The following MTMR3 variants were observed in gnomAD, a reference collection of about 807,000 sequenced individuals.
MTMR3 encodes the protein phosphatidylinositol-3,5-bisphosphate 3-phosphatase MTMR3.
In MTMR3, 32 loss-of-function variants were observed where a neutral mutation model predicts 132.4. The ratio of observed to expected loss-of-function variants is 0.24; its 90% confidence interval spans 0.18 to 0.32. The LOEUF (loss-of-function observed/expected upper bound fraction) is 0.32. Ranked by LOEUF, MTMR3 falls within the 10% of genes least tolerant of loss-of-function variation. The pLI is 1.00. For synonymous variants in MTMR3, 556 were observed against 550.3 expected, an observed-to-expected ratio of 1.01 and a Z score of -0.14; for missense variants, 1,216 against 1,489.6, an observed-to-expected ratio of 0.82 and a Z score of 3.02.
intron 2 of MTMR3, among the ~76,000 whole-genome samples, chr22:29,957,831 A>C (rs985911862): frequency 1.3e-5 from 2 of 152,182 alleles, no homozygotes; most frequent in Admixed American, 6.5e-5. Context: ...CAAAAGTACT[A>C]AAATATCAAG....
intron 1 of MTMR3, among the ~76,000 whole-genome samples, chr22:29,918,513 A>G (rs1355278823): frequency 6.6e-6 from 1 of 152,240 alleles, no homozygotes; most frequent in African/African-American, 2.4e-5. Flanking sequence ...CTTATAATAC[A>G]ATAAATATTT....
intron 6 of MTMR3, 128 bp from the exon 7 acceptor site, chr22:29,991,376 G>C: frequency 2.4e-6 from 2 of 817,230 alleles, no homozygotes; most frequent in Non-Finnish European, 3.6e-6. Flanking sequence ...ATGACTGACT[G>C]CCTCAGATGC....
chr22:29,898,646 C>A (rs9608821), intron 1 of MTMR3, among the ~76,000 whole-genome samples: 7,508 of 152,214 alleles, frequency 0.049, 270 homozygotes, highest in South Asian at 0.09. Context: ...AAGCAGTCCA[C>A]CCACCTCAGC....
intron 8 of MTMR3, 71 bp from the exon 9 acceptor site, chr22:30,002,805 GTCTC>G (rs534905247): frequency 1.5e-5 from 16 of 1,094,906 alleles, no homozygotes; most frequent in Non-Finnish European, 1.9e-5. Flanking sequence ...CTCACCTAGT[GTCTC>G]TCTCTCTCTC....
At chr22:29,957,193 CTGTT>C (rs1420769857) in intron 2 of MTMR3, 105 bp downstream of exon 2, 1 of 145,640 alleles carries the variant, frequency 6.9e-6, no homozygotes, top group Non-Finnish European at 1.5e-5. Flanking sequence ...TTTTGGGGAT[CTGTT>C]TGTCAATGTC....
intron 2 of MTMR3, among the ~76,000 whole-genome samples, chr22:29,969,852 C>A (rs571915507): frequency 6.6e-6 from 1 of 152,256 alleles, no homozygotes; most frequent in East Asian, 1.9e-4. Flanking sequence ...TAGAGTAAGT[C>A]ATCTCCTACC....
chr22:29,885,136 A>G (rs1299501593), intron 1 of MTMR3, among the ~76,000 whole-genome samples: 2 of 152,132 alleles, frequency 1.3e-5, no homozygotes, highest in African/African-American at 4.8e-5. Context: ...TAGAAATATT[A>G]TGGACTACCT....
At chr22:29,971,966 C>T (rs906969702) in intron 3 of MTMR3, among the ~76,000 whole-genome samples, 5 of 152,008 alleles carry the variant, frequency 3.3e-5, no homozygotes, top group African/African-American at 7.3e-5. Context: ...TCATTAGGGA[C>T]GTATGGAAAA....
At chr22:29,897,112 G>A (rs1328383601) in intron 1 of MTMR3, among the ~76,000 whole-genome samples, 5 of 144,676 alleles carry the variant, frequency 3.5e-5, no homozygotes, top group African/African-American at 1.0e-4. Context: ...TTGGAGTCTC[G>A]CTCTGTCGCC....
chr22:30,012,752 G>A (rs1338420828), intron 13 of MTMR3, 189 bp downstream of exon 13: 7 of 532,860 alleles, frequency 1.3e-5, no homozygotes, highest in African/African-American at 3.9e-5. Context: ...CTTAAAATGG[G>A]GCAGATTATG....
At chr22:29,945,483 G>T (rs1298183432) in intron 1 of MTMR3, among the ~76,000 whole-genome samples, 1 of 151,952 alleles carries the variant, frequency 6.6e-6, no homozygotes, top group Non-Finnish European at 1.5e-5. Context: ...TGGGAGGATA[G>T]CTTGAAGCTA....
intron 1 of MTMR3, among the ~76,000 whole-genome samples, chr22:29,910,324 A>G (rs914009153): frequency 2.0e-5 from 3 of 152,230 alleles, no homozygotes; most frequent in African/African-American, 7.2e-5. Context: ...GGAAAGGTAA[A>G]TACTGTAGTT....
intron 1 of MTMR3, among the ~76,000 whole-genome samples, chr22:29,900,384 T>G (rs1409548480): frequency 2.0e-5 from 3 of 152,200 alleles, no homozygotes; most frequent in African/African-American, 4.8e-5. Context: ...TCACGTAAAA[T>G]AATAGGAATA....
Position 29,935,742 on chromosome 22 carries a change from CTT to C in MTMR3, c.-137-21277_-137-21276del, listed in dbSNP as rs35840801. 4.5e-3 allele frequency among the ~76,000 whole-genome samples: 564 copies of C among 125,814 alleles called. 4 individuals carry two copies. Among genetic ancestry groups the C allele is most frequent in the African/African-American group, 0.016 (532 of 33,216 alleles). 82.5% of individuals were successfully genotyped at this position (125,814 alleles called of 152,430 possible). A position where few individuals can be genotyped will look rare whatever the true frequency, so the allele number is the denominator to read the frequency against. On this transcript the variant is annotated intron_variant, in intron 1 of 19. Coordinates refer to ENST00000401950, the MANE Select transcript of MTMR3 (RefSeq NM_021090.4). ...GAATGATCTCTTCTCTCCATGCCCA[CTT>C]TTTTTTTTTTTTTTTTGAGACGGAG...
At chr22:30,013,715 A>G (rs2067494152) in intron 14 of MTMR3, 174 bp downstream of exon 14, 1 of 617,802 alleles carries the variant, frequency 1.6e-6, no homozygotes, top group Non-Finnish European at 2.6e-6. Flanking sequence ...AAAAAGAGAA[A>G]ATCCAGGTAT....
chr22:29,902,128 A>G (rs2065012395), intron 1 of MTMR3, among the ~76,000 whole-genome samples: 1 of 152,224 alleles, frequency 6.6e-6, no homozygotes, highest in African/African-American at 2.4e-5. Flanking sequence ...TGATTTTCAC[A>G]GAACATTATA....
intron 1 of MTMR3, among the ~76,000 whole-genome samples, chr22:29,933,935 C>G (rs1320389324): frequency 6.6e-6 from 1 of 151,958 alleles, no homozygotes; most frequent in East Asian, 1.9e-4. Flanking sequence ...TTGTGGTTGT[C>G]CAGCCATACA....
At chr22:29,981,188 T>C (rs1336989970) in intron 5 of MTMR3, 3 of 152,246 alleles carry the variant, frequency 2.0e-5, no homozygotes, top group African/African-American at 7.2e-5. Context: ...ATTGTTTTTG[T>C]GTCTTCAAGA....
chr22:29,986,664 C>CT (rs66590707), intron 5 of MTMR3: 235,016 of 753,294 alleles, frequency 0.31, 21,123 homozygotes, highest in East Asian at 0.56. Flanking sequence ...TTTTTCTTTT[C>CT]TTTTTTTTTT....
Sources: allele counts gnomAD v4.1 joint callset (sites outside exome capture counted in the v4.1 genomes callset), GRCh38; gene constraint gnomAD v4.1.1; transcripts MANE v1.5; gene names NCBI Gene and HGNC (gene_info 2026-07-23, HGNC 2026-07-21).